TMEM232: variants seen among roughly 807,000 people sequenced by gnomAD.
TMEM232 encodes the protein transmembrane protein 232.
Under a neutral mutation model 78.8 loss-of-function variants are expected in TMEM232, and 80 were observed. The ratio of observed to expected loss-of-function variants is 1.01; its 90% confidence interval spans 0.85 to 1.22. The LOEUF (loss-of-function observed/expected upper bound fraction) is 1.22, where lower values mean the gene tolerates loss of function less well. TMEM232 is among the 50% of genes most tolerant of loss of function. TMEM232 has a pLI of 0.00. For synonymous variants in TMEM232, 297 were observed against 254.3 expected (o/e 1.17, Z -1.60); for missense variants, 881 against 742.2 (o/e 1.19, Z -2.17).
At chr5:110,627,064 G>T (rs1286945138) in intron 6 of TMEM232, among the ~76,000 whole-genome samples, 1 of 151,944 alleles carries the variant, frequency 6.6e-6, no homozygotes, top group Non-Finnish European at 1.5e-5. Context: ...TCAACTGCTT[G>T]CTGGGTATAT....
chr5:110,695,596 C>T (rs907517535), intron 1 of TMEM232, among the ~76,000 whole-genome samples: 8 of 151,986 alleles, frequency 5.3e-5, no homozygotes, highest in South Asian at 4.2e-4. Flanking sequence ...ATCAAATAGA[C>T]ACAATAAAAA....
chr5:110,514,609 A>G (rs1768324006), intron 12 of TMEM232, among the ~76,000 whole-genome samples: 1 of 151,874 alleles, frequency 6.6e-6, no homozygotes, highest in Admixed American at 6.6e-5. Context: ...AATCAATCAG[A>G]AAAAAAACCT....
chr5:110,484,891 A>G (rs930093184), intron 12 of TMEM232, among the ~76,000 whole-genome samples: 2 of 152,084 alleles, frequency 1.3e-5, no homozygotes, highest in African/African-American at 2.4e-5. Flanking sequence ...CAAGACCTCA[A>G]CACCCTACTT....
At chr5:110,598,200 A>G (rs1267570854) in intron 10 of TMEM232, among the ~76,000 whole-genome samples, 1 of 152,176 alleles carries the variant, frequency 6.6e-6, no homozygotes, top group Non-Finnish European at 1.5e-5. Flanking sequence ...GTGGGCAAAG[A>G]ATATGAATAG....
chr5:110,722,570 G>A (rs1797754025), intron 1 of TMEM232, among the ~76,000 whole-genome samples: 1 of 152,192 alleles, frequency 6.6e-6, no homozygotes, highest in East Asian at 1.9e-4. Flanking sequence ...TGCTCTCATG[G>A]AGGCTGGCTT....
chr5:110,481,305 G>A (rs1260597102), intron 12 of TMEM232, among the ~76,000 whole-genome samples: 1 of 151,918 alleles, frequency 6.6e-6, no homozygotes, highest in African/African-American at 2.4e-5. Context: ...AGACAAATAC[G>A]ACAAAAGGAA....
chr5:110,542,241 A>AT lies in TMEM232; in HGVS notation c.1456-13407dup, dbSNP rs554268246. ...TACTGTAGGCTGGATAATAGTAGCC[A>AT]TTTTTTTTGTATTTTTTATAGTTCA... On this transcript the variant is annotated intron_variant, in intron 11 of 13. Transcript: ENST00000455884. Among the ~76,000 whole-genome samples, 542 of 152,026 alleles carry AT rather than the reference A, an allele frequency of 3.6e-3. 4 individuals carry two copies. Among genetic ancestry groups the AT allele is most frequent in the African/African-American group, 0.012 (502 of 41,472 alleles).
At chr5:110,696,538 G>C (rs535487261) in intron 1 of TMEM232, among the ~76,000 whole-genome samples, 1 of 152,172 alleles carries the variant, frequency 6.6e-6, no homozygotes, top group Non-Finnish European at 1.5e-5. Flanking sequence ...TGACATGATT[G>C]TATATCTAGA....
intron 1 of TMEM232, among the ~76,000 whole-genome samples, chr5:110,702,559 G>A: frequency 6.6e-6 from 1 of 152,098 alleles, no homozygotes; most frequent in East Asian, 1.9e-4. Flanking sequence ...ATCTCTCCCT[G>A]TAATACTCTT....
At chr5:110,391,657 T>G (rs995391223) in intron 3 of TMEM232, among the ~76,000 whole-genome samples, 1 of 152,150 alleles carries the variant, frequency 6.6e-6, no homozygotes, top group Non-Finnish European at 1.5e-5. Flanking sequence ...TAAAGCATAT[T>G]TAAGAATATT....
intron 12 of TMEM232, among the ~76,000 whole-genome samples, chr5:110,426,731 C>T (rs998700671): frequency 3.3e-5 from 5 of 151,870 alleles, no homozygotes; most frequent in African/African-American, 4.8e-5. Flanking sequence ...TATTAAAGTA[C>T]TGTATTACAG....
At chr5:110,556,284 TCCTTC>T (rs1775066059) in intron 11 of TMEM232, among the ~76,000 whole-genome samples, 1 of 151,994 alleles carries the variant, frequency 6.6e-6, no homozygotes, top group African/African-American at 2.4e-5. Context: ...GGAATTTCCT[TCCTTC>T]CCTTCCTTCT....
intron 5 of TMEM232, among the ~76,000 whole-genome samples, chr5:110,637,298 G>A (rs1580452085): frequency 6.6e-6 from 1 of 151,480 alleles, no homozygotes; most frequent in African/African-American, 2.4e-5. Context: ...GCAAAGCTCA[G>A]TTTTTTGCAC....
At chr5:110,510,795 C>T (rs949247990) in intron 12 of TMEM232, among the ~76,000 whole-genome samples, 19 of 152,104 alleles carry the variant, frequency 1.2e-4, no homozygotes, top group African/African-American at 4.6e-4. Context: ...CAGGAAACAA[C>T]AGGTGCTGGA....
At chr5:110,583,427 A>C (rs1778427529) in intron 10 of TMEM232, among the ~76,000 whole-genome samples, 1 of 151,974 alleles carries the variant, frequency 6.6e-6, no homozygotes, top group Non-Finnish European at 1.5e-5. Flanking sequence ...GTGTTGGGGA[A>C]ACTGGATATC....
chr5:110,700,905 C>G (rs892993405), intron 1 of TMEM232, among the ~76,000 whole-genome samples: 5 of 151,862 alleles, frequency 3.3e-5, no homozygotes, highest in Non-Finnish European at 4.4e-5. Context: ...TCCTAAAGAG[C>G]CTTCTTCCTC....
chr5:110,676,969 C>T (rs1024085670), intron 1 of TMEM232, among the ~76,000 whole-genome samples: 2 of 152,026 alleles, frequency 1.3e-5, no homozygotes, highest in African/African-American at 4.8e-5. Flanking sequence ...CCATGTTGGT[C>T]AGGCTGGTCT....
chr5:110,663,767 GTGTGTGTA>G (rs1162981321), intron 2 of TMEM232, among the ~76,000 whole-genome samples: 22 of 151,258 alleles, frequency 1.5e-4, no homozygotes, highest in African/African-American at 4.9e-4. Flanking sequence ...GTGTGTGTGT[GTGTGTGTA>G]TATACAATAT....
chr5:110,686,036 G>T (rs1045549779), intron 1 of TMEM232, among the ~76,000 whole-genome samples: 1 of 152,118 alleles, frequency 6.6e-6, no homozygotes, highest in East Asian at 1.9e-4. Context: ...GGTAACATGG[G>T]TATATGTATG....
Sources: allele counts gnomAD v4.1 joint callset (sites outside exome capture counted in the v4.1 genomes callset), GRCh38; gene constraint gnomAD v4.1.1; transcripts MANE v1.5; gene names NCBI Gene and HGNC (gene_info 2026-07-23, HGNC 2026-07-21).